The following CADM2 variants were observed in gnomAD, a reference collection of about 807,000 sequenced individuals.
CADM2 encodes cell adhesion molecule 2.
CADM2 carries 12 observed loss-of-function variants against 49.8 expected under a neutral mutation model. The observed-to-expected ratio is 0.24, with a 90% CI of 0.15 to 0.39. CADM2 has a LOEUF of 0.39. CADM2 is among the 10% of genes least tolerant of loss of function. The pLI is 1.00. For missense variants in CADM2, 378 were observed against 492.3 expected, an observed-to-expected ratio of 0.77 and a Z score of 2.20; for synonymous variants, 214 against 175.4, an observed-to-expected ratio of 1.22 and a Z score of -1.74.
In CADM2 at chr3:84,959,647, G is replaced by A; in HGVS notation, c.40G>A (p.Val14Ile). The A allele has an allele frequency of 6.5e-7, 1 of 1,537,046 alleles. No homozygotes were observed. The highest frequency in any genetic ancestry group is 1.4e-5 in the African/African-American group (1 of 73,110). Residue 14 changes from valine to isoleucine, a missense_variant, in exon 1 of 10, where the codon GTC becomes ATC. Val to Ile is a conservative substitution (Grantham distance 29). Coordinates refer to ENST00000383699, the MANE Select transcript of CADM2 (RefSeq NM_001167675.2). ...KRSAVLRFYS[V>I]CGLLLQAAAS... is the part of the protein sequence containing the mutation. ...CAGCGCCGTTCTCCGCTTCTACAGT[G>A]TCTGCGGGCTCCTGCTACAAGGTAA... is the stretch of plus-strand genomic sequence containing the variant.
intron 7 of CADM2, among the ~76,000 whole-genome samples, chr3:85,939,476 C>CACACACACAT (rs1200551108): frequency 5.4e-4 from 82 of 150,792 alleles, no homozygotes; most frequent in African/African-American, 1.9e-3. Flanking sequence ...AAAACACACA[C>CACACACACAT]ACACACACAC....
intron 2 of CADM2, among the ~76,000 whole-genome samples, chr3:85,795,283 C>T (rs2071556054): frequency 6.6e-6 from 1 of 152,128 alleles, no homozygotes; most frequent in Non-Finnish European, 1.5e-5. Context: ...TAGCAGCTAA[C>T]TCATGCTCTC....
chr3:85,101,422 CA>C (rs1237236981), intron 1 of CADM2, among the ~76,000 whole-genome samples: 4 of 151,826 alleles, frequency 2.6e-5, no homozygotes, highest in South Asian at 4.2e-4. Flanking sequence ...TAAAGGCCTC[CA>C]AAAAAAGATG....
chr3:85,328,451 A>G (rs1204223533), intron 1 of CADM2, among the ~76,000 whole-genome samples: 2 of 152,128 alleles, frequency 1.3e-5, no homozygotes, highest in Non-Finnish European at 2.9e-5. Flanking sequence ...TCTTTGCTGG[A>G]TTTTCTGATG....
At chr3:85,962,024 C>T (rs115535613) in intron 8 of CADM2, among the ~76,000 whole-genome samples, 6,176 of 151,900 alleles carry the variant, frequency 0.041, 415 homozygotes, top group African/African-American at 0.14. Flanking sequence ...GCAGTCTCCA[C>T]CTCCCGGGTT....
intron 7 of CADM2, among the ~76,000 whole-genome samples, chr3:85,960,455 G>A (rs1441532647): frequency 6.6e-6 from 1 of 151,836 alleles, no homozygotes; most frequent in Non-Finnish European, 1.5e-5. Context: ...ATGTTAGAAA[G>A]CAGGAGGTAC....
At chr3:85,781,251 T>A (rs2070633091) in intron 2 of CADM2, among the ~76,000 whole-genome samples, 1 of 152,230 alleles carries the variant, frequency 6.6e-6, no homozygotes, top group Admixed American at 6.5e-5. Flanking sequence ...CTGTCCTTCA[T>A]GTAATTGGCC....
At chr3:85,879,989 C>G (rs1712498542) in intron 3 of CADM2, among the ~76,000 whole-genome samples, 1 of 152,138 alleles carries the variant, frequency 6.6e-6, no homozygotes, top group African/African-American at 2.4e-5. Context: ...AGAGCCACAC[C>G]CATGTCCCTC....
At chr3:85,043,356 T>G (rs1486464476) in intron 1 of CADM2, among the ~76,000 whole-genome samples, 1 of 151,738 alleles carries the variant, frequency 6.6e-6, no homozygotes, top group Middle Eastern at 3.2e-3. Flanking sequence ...CCTAACTCCT[T>G]CAGATGTATG....
At chr3:85,841,441 T>A (rs368631483) in intron 3 of CADM2, among the ~76,000 whole-genome samples, 1 of 152,012 alleles carries the variant, frequency 6.6e-6, no homozygotes, top group Non-Finnish European at 1.5e-5. Context: ...ATTACTTTCA[T>A]TTCCATATTA....
At chr3:85,066,306 C>G (rs1045807099) in intron 1 of CADM2, among the ~76,000 whole-genome samples, 2 of 151,574 alleles carry the variant, frequency 1.3e-5, no homozygotes, top group South Asian at 4.2e-4. Flanking sequence ...GTTCCCAAAT[C>G]TGGCCCACCA....
At chr3:85,259,584 A>C (rs189238591) in intron 1 of CADM2, among the ~76,000 whole-genome samples, 6 of 152,236 alleles carry the variant, frequency 3.9e-5, no homozygotes, top group African/African-American at 1.4e-4. Context: ...ATGCCACAAA[A>C]TATGTACATA....
chr3:85,174,633 C>T (rs950542809), intron 1 of CADM2, among the ~76,000 whole-genome samples: 24 of 151,828 alleles, frequency 1.6e-4, no homozygotes, highest in African/African-American at 5.8e-4. Context: ...TATTATTTTG[C>T]CTTTTAATTG....
intron 3 of CADM2, among the ~76,000 whole-genome samples, chr3:85,817,489 G>A (rs757142142): frequency 7.1e-6 from 1 of 141,562 alleles, no homozygotes; most frequent in Non-Finnish European, 1.5e-5. Flanking sequence ...TAAAAATATT[G>A]TCTGGGTATT....
At chr3:85,588,971 G>A (rs2063022521) in intron 1 of CADM2, among the ~76,000 whole-genome samples, 2 of 152,006 alleles carry the variant, frequency 1.3e-5, no homozygotes, top group South Asian at 4.1e-4. Flanking sequence ...TAGGTCTTGT[G>A]TTTCCCAAAT....
At chr3:85,450,676 TTC>T (rs1218073079) in intron 1 of CADM2, among the ~76,000 whole-genome samples, 1 of 150,550 alleles carries the variant, frequency 6.6e-6, no homozygotes, top group Non-Finnish European at 1.5e-5. Flanking sequence ...ATTAGAGAAC[TTC>T]TGACTAAAGA....
rs141558844 is a variant in CADM2 at position 85,797,258 on chromosome 3, T to C, written c.89-4789T>C. On this transcript the variant is annotated intron_variant, in intron 2 of 9. Coordinates refer to ENST00000383699, the MANE Select transcript of CADM2 (RefSeq NM_001167675.2). ...TAGAAACCATCTGAGTTTTAGAACT[T>C]TATAATTTTTTTTTTAACTTCAAGT... 2.6e-5 allele frequency among the ~76,000 whole-genome samples: 4 copies of C among 152,236 alleles called. No homozygotes were observed. The East Asian group carries it at 7.7e-4, about 29-fold the overall frequency.
intron 1 of CADM2, among the ~76,000 whole-genome samples, chr3:85,557,393 C>T (rs945311144): frequency 6.6e-6 from 1 of 151,770 alleles, no homozygotes; most frequent in Non-Finnish European, 1.5e-5. Flanking sequence ...AAACAGTAGA[C>T]TCAATTTTTC....
At chr3:85,247,662 T>G (rs564842118) in intron 1 of CADM2, among the ~76,000 whole-genome samples, 100 of 152,278 alleles carry the variant, frequency 6.6e-4, no homozygotes, top group African/African-American at 2.3e-3. Flanking sequence ...TGACTTGGAA[T>G]AGTATGAATT....
Sources: gnomAD v4.1 joint callset for allele counts (sites outside exome capture counted in the v4.1 genomes callset) on GRCh38, gnomAD v4.1.1 for gene constraint, MANE v1.5 for transcripts, NCBI Gene and HGNC (gene_info 2026-07-23, HGNC 2026-07-21) for gene names.